Variants in MRAS observed in about 807,000 individuals in gnomAD.
The protein encoded by MRAS is ras-related protein M-Ras.
MRAS carries 4 observed loss-of-function variants against 20.9 expected under a neutral mutation model. That is an observed-to-expected ratio of 0.19 (90% confidence interval 0.09 to 0.44). The LOEUF is 0.44. Ranked by LOEUF, MRAS falls within the 20% of genes least tolerant of loss-of-function variation. MRAS has a pLI of 0.99. For synonymous variants in MRAS, 98 were observed against 102.9 expected (o/e 0.95, Z 0.29); for missense variants, 154 against 277.5 (o/e 0.56, Z 3.16).
In MRAS at chr3:138,397,402, T is replaced by C. The variant is rs1447394097; in HGVS notation, c.272T>C (p.Val91Ala). Residue 91 changes from valine to alanine, a missense_variant, in exon 3 of 6, where the codon GTC (valine) becomes GCC (alanine). Around this residue, in one of 3 missense-constraint regions of MRAS, gnomAD observed 125 missense variants for 213.5 expected, o/e 0.59. Transcript: ENST00000423968. ...CGCACGGGGGATGGCTTCCTCATCG[T>C]CTACTCCGTCACTGACAAGGCCAGC... The part of the protein sequence containing the change: ...YMRTGDGFLI[V>A]YSVTDKASFE... 2 of 1,614,152 alleles carry C rather than the reference T, an allele frequency of 1.2e-6. No individual in the cohort carries two copies. Among genetic ancestry groups the C allele is most frequent in the Non-Finnish European group, 1.7e-6 (2 of 1,180,016 alleles).
rs180785581 is a variant in MRAS, at chr3:138,381,955, A to C, written c.193+8879A>C. On this transcript the variant is annotated intron_variant, in intron 2 of 5. Transcript: ENST00000423968. ...TTTTTCCTGAACCAGGGGCTTTACC[A>C]GGGGGCTTTATGCTCAGCAGGCCTT... is the stretch of plus-strand genomic sequence containing the variant. 3.3e-5 allele frequency among the ~76,000 whole-genome samples: 5 copies of C among 152,102 alleles called. No individual in the cohort carries two copies. The East Asian group carries it at 9.7e-4, about 29-fold the overall frequency.
At chr3:138,349,024 C>A (rs571290479) in intron 1 of MRAS, 1 of 148,302 alleles carries the variant, frequency 6.7e-6, no homozygotes, top group East Asian at 2.1e-4. Context: ...TCAGAGAGAC[C>A]CTTTCATGGT....
chr3:138,378,443 A>G (rs2054828662), intron 2 of MRAS, among the ~76,000 whole-genome samples: 2 of 152,174 alleles, frequency 1.3e-5, no homozygotes, highest in South Asian at 4.1e-4. Flanking sequence ...TCTTTCCTGC[A>G]AGGGTTCGGG....
intron 2 of MRAS, among the ~76,000 whole-genome samples, chr3:138,379,308 A>C (rs2054850330): frequency 6.6e-6 from 1 of 150,838 alleles, no homozygotes; most frequent in Non-Finnish European, 1.5e-5. Context: ...TGTTTCACTT[A>C]ACATAATGAC....
At position 138,403,073 on chromosome 3, in the gene MRAS, A is replaced by C. The variant is rs531737753; in HGVS notation, c.*804A>C. The C allele has an allele frequency of 6.6e-6, 1 of 152,266 alleles. No homozygotes were observed. Among genetic ancestry groups the C allele is most frequent in the Non-Finnish European group, 1.5e-5 (1 of 68,038 alleles). The allele number at this position is 152,266 out of a possible 1,614,324, so 9.4% of individuals were successfully genotyped here. On this transcript the variant is annotated 3_prime_UTR_variant, in exon 6 of 6. Coordinates refer to ENST00000423968, the MANE Select transcript of MRAS (RefSeq NM_001085049.3). ...GCTGAGGGGAGTGGCTGTCATGAGC[A>C]TGTCAGTTCTAAAAGGGGTTTTCAT... is the stretch of plus-strand genomic sequence containing the variant.
chr3:138,370,400 G>C (rs1303655349), intron 1 of MRAS, among the ~76,000 whole-genome samples: 1 of 152,184 alleles, frequency 6.6e-6, no homozygotes, highest in African/African-American at 2.4e-5. Flanking sequence ...TTGCAGAGGG[G>C]CAGTGAGGAG....
chr3:138,382,813 T>C (rs534199794), intron 2 of MRAS, among the ~76,000 whole-genome samples: 1 of 152,366 alleles, frequency 6.6e-6, no homozygotes, highest in South Asian at 2.1e-4. Context: ...CCAGTTAATG[T>C]GGGGTTTTGC....
intron 1 of MRAS, among the ~76,000 whole-genome samples, chr3:138,360,672 C>A (rs1204096968): frequency 6.6e-6 from 1 of 152,216 alleles, no homozygotes; most frequent in Non-Finnish European, 1.5e-5. Flanking sequence ...TGGCCCATGG[C>A]ATAGTGCCCA....
At chr3:138,364,628 G>A (rs1325346698) in intron 1 of MRAS, among the ~76,000 whole-genome samples, 3 of 152,194 alleles carry the variant, frequency 2.0e-5, no homozygotes, top group African/African-American at 4.8e-5. Context: ...CCATATAGGG[G>A]ATAGGGTCCC....
At chr3:138,352,944 C>T (rs939032268) in intron 1 of MRAS, among the ~76,000 whole-genome samples, 2 of 152,052 alleles carry the variant, frequency 1.3e-5, no homozygotes, top group African/African-American at 2.4e-5. Flanking sequence ...AAAATATACA[C>T]GTGAAAATAC....
At chr3:138,354,119 G>A (rs1057273937) in intron 1 of MRAS, among the ~76,000 whole-genome samples, 6 of 152,244 alleles carry the variant, frequency 3.9e-5, no homozygotes, top group Non-Finnish European at 5.9e-5. Context: ...GGCAGCAGAG[G>A]TGCAGAAGAC....
chr3:138,397,234 ACAGCAG>A, intron 2 of MRAS, 84 bp from the exon 3 acceptor site: 1 of 1,477,522 alleles, frequency 6.8e-7, no homozygotes, highest in Non-Finnish European at 9.2e-7. Flanking sequence ...CACGGTAGGG[ACAGCAG>A]CAGCAGCAGT....
chr3:138,352,692 G>A (rs1022929335), intron 1 of MRAS, among the ~76,000 whole-genome samples: 1 of 152,038 alleles, frequency 6.6e-6, no homozygotes, highest in African/African-American at 2.4e-5. Context: ...CTACCTTGAC[G>A]GATAAAACAA....
chr3:138,395,408 A>G (rs2055214581), intron 2 of MRAS, among the ~76,000 whole-genome samples: 1 of 152,082 alleles, frequency 6.6e-6, no homozygotes, highest in Non-Finnish European at 1.5e-5. Flanking sequence ...AAACTTACAC[A>G]GTGTGGCAGG....
intron 2 of MRAS, among the ~76,000 whole-genome samples, chr3:138,390,635 G>C (rs750007572): frequency 6.6e-6 from 1 of 152,100 alleles, no homozygotes. Flanking sequence ...CAGAACTGCT[G>C]ACAAGGGGCC....
At chr3:138,351,257 C>T (rs1371435594) in intron 1 of MRAS, among the ~76,000 whole-genome samples, 6 of 94,414 alleles carry the variant, frequency 6.4e-5, no homozygotes, top group Non-Finnish European at 1.5e-4. Flanking sequence ...TGCTCATGAG[C>T]ATTGTGTAGT....
At chr3:138,361,830 G>A (rs2054454221) in intron 1 of MRAS, among the ~76,000 whole-genome samples, 2 of 152,204 alleles carry the variant, frequency 1.3e-5, no homozygotes, top group Non-Finnish European at 2.9e-5. Flanking sequence ...GAAGGCTGCA[G>A]GAGTCCTCCT....
At chr3:138,366,041 G>A (rs539923747) in intron 1 of MRAS, among the ~76,000 whole-genome samples, 2 of 152,218 alleles carry the variant, frequency 1.3e-5, no homozygotes, top group Non-Finnish European at 2.9e-5. Context: ...GAAACAAGGG[G>A]CTGGAGCAAA....
chr3:138,351,976 CCT>C (rs2054237401), intron 1 of MRAS, among the ~76,000 whole-genome samples: 1 of 152,198 alleles, frequency 6.6e-6, no homozygotes, highest in Non-Finnish European at 1.5e-5. Flanking sequence ...TCATGGCAGA[CCT>C]ATTCTGTAAG....
Sources: gnomAD v4.1 joint callset for allele counts (sites outside exome capture counted in the v4.1 genomes callset) on GRCh38, gnomAD v4.1.1 for gene constraint, gnomAD v4.1.1 regional missense constraint, MANE v1.5 for transcripts, NCBI Gene and HGNC (gene_info 2026-07-23, HGNC 2026-07-21) for gene names.